The following LRBA variants were observed in gnomAD, a reference collection of about 807,000 sequenced individuals.
The protein encoded by LRBA is lipopolysaccharide-responsive and beige-like anchor protein.
In LRBA, 176 loss-of-function variants were observed where a neutral mutation model predicts 330.0. The observed-to-expected ratio is 0.53, with a 90% CI of 0.47 to 0.60. The LOEUF is 0.60. Among genes scored for constraint, LRBA ranks in the 20% least tolerant of loss-of-function variants. The pLI is 0.00. For missense variants in LRBA, 3,259 were observed against 3,444.8 expected, an observed-to-expected ratio of 0.95 and a Z score of 1.35; for synonymous variants, 1,230 against 1,193.0, an observed-to-expected ratio of 1.03 and a Z score of -0.64.
chr4:150,567,302 G>A (rs1769262179), intron 40 of LRBA, among the ~76,000 whole-genome samples: 1 of 152,030 alleles, frequency 6.6e-6, no homozygotes, highest in Non-Finnish European at 1.5e-5. Flanking sequence ...ATGCTCTTTT[G>A]AAAATTAATG....
At chr4:150,842,946 C>G (rs1375199210) in intron 28 of LRBA, among the ~76,000 whole-genome samples, 3 of 152,088 alleles carry the variant, frequency 2.0e-5, no homozygotes, top group Non-Finnish European at 4.4e-5. Context: ...CAGGATGATT[C>G]AAGTGCATTA....
At chr4:150,628,456 C>T (rs569984164) in intron 37 of LRBA, among the ~76,000 whole-genome samples, 5 of 152,254 alleles carry the variant, frequency 3.3e-5, no homozygotes, top group Non-Finnish European at 5.9e-5. Context: ...TTAACTTTCA[C>T]GAATAATGAG....
chr4:150,371,825 A>G (rs540074892), intron 47 of LRBA, among the ~76,000 whole-genome samples: 2 of 152,166 alleles, frequency 1.3e-5, no homozygotes, highest in Non-Finnish European at 1.5e-5. Flanking sequence ...CTATATTCCT[A>G]TCCTAAAAAT....
intron 40 of LRBA, among the ~76,000 whole-genome samples, chr4:150,506,378 C>G (rs1761089209): frequency 6.6e-6 from 1 of 152,180 alleles, no homozygotes; most frequent in Admixed American, 6.5e-5. Flanking sequence ...GCTTATCCAC[C>G]ATGATCAAGT....
intron 40 of LRBA, among the ~76,000 whole-genome samples, chr4:150,561,384 C>A (rs1581681857): frequency 6.6e-6 from 1 of 152,068 alleles, no homozygotes; most frequent in Admixed American, 6.6e-5. Context: ...GTTATTAATA[C>A]CATAAAAGGC....
At chr4:150,356,162 C>T (rs1251725364) in intron 47 of LRBA, among the ~76,000 whole-genome samples, 1 of 151,922 alleles carries the variant, frequency 6.6e-6, no homozygotes, top group East Asian at 1.9e-4. Context: ...GAGTTTCTTT[C>T]CATGTCAACT....
intron 46 of LRBA, among the ~76,000 whole-genome samples, chr4:150,431,074 T>C (rs1171219953): frequency 2.0e-5 from 3 of 152,172 alleles, no homozygotes; most frequent in African/African-American, 7.2e-5. Flanking sequence ...GTCAAATTCA[T>C]TTAAACTTCA....
chr4:150,877,602 G>A (rs1754193246), intron 17 of LRBA, among the ~76,000 whole-genome samples: 1 of 152,188 alleles, frequency 6.6e-6, no homozygotes, highest in Admixed American at 6.5e-5. Context: ...ACACCCCACT[G>A]ACAGGCATTA....
chr4:150,948,273 G>A (rs1199660802), intron 2 of LRBA, among the ~76,000 whole-genome samples: 1 of 152,024 alleles, frequency 6.6e-6, no homozygotes, highest in Non-Finnish European at 1.5e-5. Context: ...AACTGGTGGA[G>A]GGGCAGACAC....
chr4:150,855,427 T>C (rs909540861), intron 22 of LRBA, among the ~76,000 whole-genome samples: 3 of 152,254 alleles, frequency 2.0e-5, no homozygotes, highest in African/African-American at 7.2e-5. Context: ...GCCTGTGTTA[T>C]AGAATGACTT....
chr4:150,342,769 T>C (rs948085238), intron 48 of LRBA, among the ~76,000 whole-genome samples: 3 of 152,188 alleles, frequency 2.0e-5, no homozygotes, highest in African/African-American at 7.2e-5. Flanking sequence ...ACATGACTTG[T>C]ATGTACACAA....
chr4:150,946,903 G>T (rs1469458669), intron 2 of LRBA, among the ~76,000 whole-genome samples: 3 of 150,166 alleles, frequency 2.0e-5, no homozygotes, highest in Non-Finnish European at 3.0e-5. Flanking sequence ...TATCACTACA[G>T]GCCTTAGAGG....
At chr4:150,761,880 A>G (rs892904093) in intron 34 of LRBA, 33 bp from the exon 35 acceptor site, 3 of 1,114,240 alleles carry the variant, frequency 2.7e-6, no homozygotes, top group Non-Finnish European at 3.9e-6. Context: ...AGCTGAAGAA[A>G]TGTCACTCAG....
rs927613140 is a variant in LRBA, at chr4:150,356,532, A to G, written c.7195-6373T>C. On this transcript the variant is annotated intron_variant, in intron 47 of 56. Coordinates refer to ENST00000651943, the MANE Select transcript of LRBA (RefSeq NM_001364905.1). ...TCTAAAGAAAATAAAAGAAAATTTG[A>G]TGTTAACTATGTTGTATCAAAATTT... Among the ~76,000 whole-genome samples, 15 of 152,182 alleles carry G rather than the reference A, an allele frequency of 9.9e-5. No individual in the cohort carries two copies. The South Asian group carries it at 1.2e-3, about 13-fold the overall frequency.
chr4:150,759,194 G>A (rs961119270), intron 35 of LRBA, among the ~76,000 whole-genome samples: 2 of 152,158 alleles, frequency 1.3e-5, no homozygotes, highest in African/African-American at 4.8e-5. Flanking sequence ...GGGATTACAG[G>A]TGTGAGCCAC....
intron 17 of LRBA, among the ~76,000 whole-genome samples, chr4:150,882,342 T>C (rs984231038): frequency 2.6e-5 from 4 of 152,212 alleles, no homozygotes; most frequent in African/African-American, 9.6e-5. Flanking sequence ...TTTTGCTTTT[T>C]GACCATAGTT....
At chr4:150,863,391 G>A (rs542270999) in intron 22 of LRBA, among the ~76,000 whole-genome samples, 52 of 152,068 alleles carry the variant, frequency 3.4e-4, no homozygotes, top group Middle Eastern at 3.4e-3. Flanking sequence ...GCCAGTCCCG[G>A]TGGCTCACCC....
chr4:150,316,891 C>A (rs1561004116), intron 50 of LRBA, among the ~76,000 whole-genome samples: 1 of 152,036 alleles, frequency 6.6e-6, no homozygotes, highest in Non-Finnish European at 1.5e-5. Context: ...TTTCTGTTAA[C>A]CAAGGGGTGG....
chr4:150,764,565 T>C (rs1274839044), intron 34 of LRBA, among the ~76,000 whole-genome samples: 2 of 151,958 alleles, frequency 1.3e-5, no homozygotes, highest in Non-Finnish European at 2.9e-5. Context: ...GTGCAAAATA[T>C]ACAAATAACT....
Sources: gnomAD v4.1 joint callset for allele counts (sites outside exome capture counted in the v4.1 genomes callset) on GRCh38, gnomAD v4.1.1 for gene constraint, MANE v1.5 for transcripts, NCBI Gene and HGNC (gene_info 2026-07-23, HGNC 2026-07-21) for gene names.